MACF1: variants seen among roughly 807,000 people sequenced by gnomAD.
MACF1 encodes the protein microtubule actin crosslinking factor 1, also known as microtubule-actin cross-linking factor 1.
Under a neutral mutation model 854.8 loss-of-function variants are expected in MACF1, and 193 were observed. That is an observed-to-expected ratio of 0.23 (90% CI 0.20 to 0.25). MACF1 has a LOEUF of 0.25. MACF1 is among the 10% of genes least tolerant of loss of function. The probability of loss-of-function intolerance (pLI) is 1.00; values close to 1 mark genes in which losing one functional copy is unlikely to be tolerated. For synonymous variants in MACF1, 3,185 were observed against 3,226.7 expected, an observed-to-expected ratio of 0.99 and a Z score of 0.44; for missense variants, 7,722 against 8,929.1, an observed-to-expected ratio of 0.86 and a Z score of 5.45.
At chr1:39,250,133 A>G (rs1645023950) in intron 3 of MACF1, 30 bp downstream of exon 3, 10 of 1,463,300 alleles carry the variant, frequency 6.8e-6, no homozygotes, top group South Asian at 1.1e-5. Context: ...TGGCCTCACA[A>G]TTGTGGCCCT....
chr1:39,299,561 C>A (rs183248808), intron 21 of MACF1, among the ~76,000 whole-genome samples: 126 of 152,276 alleles, frequency 8.3e-4, no homozygotes, highest in Non-Finnish European at 1.7e-3. Context: ...CATGATACTT[C>A]TTTCTAACCA....
rs10652572 is a variant in MACF1, at chr1:39,393,846, G to GGAGAGAGA, written c.15816+5201_15816+5208dup. Among the ~76,000 whole-genome samples the GGAGAGAGA allele has an allele frequency of 2.7e-3, 381 of 140,816 alleles. 4 individuals carry two copies. Among genetic ancestry groups the GGAGAGAGA allele is most frequent in the African/African-American group, 1.0e-2 (371 of 37,184 alleles). The allele number at this position is 140,816 out of a possible 152,430, so 92.4% of individuals were successfully genotyped here. A position where few individuals can be genotyped will look rare whatever the true frequency, so the allele number is the denominator to read the frequency against. Reference sequence around the variant, plus strand: ...GAAAGACAGAGAGAGAGGGAGGGAGGGAGAGAGAGAGAGAGAGAGAAAGAA... The same window carrying GGAGAGAGA: ...GAAAGACAGAGAGAGAGGGAGGGAGGGAGAGAGAGAGAGAGAGAGAGAGAGAGAAAGAA... On this transcript the variant is annotated intron_variant, in intron 58 of 100. Coordinates refer to ENST00000564288, the MANE Select transcript of MACF1 (RefSeq NM_001394062.1).
At chr1:39,186,415 C>T (rs1479992248) in intron 2 of MACF1, among the ~76,000 whole-genome samples, 8 of 151,410 alleles carry the variant, frequency 5.3e-5, no homozygotes, top group African/African-American at 1.2e-4. Flanking sequence ...TACAGGCACG[C>T]GCCACCACGC....
intron 28 of MACF1, among the ~76,000 whole-genome samples, chr1:39,317,004 A>G (rs891303762): frequency 3.9e-5 from 6 of 152,234 alleles, no homozygotes; most frequent in Non-Finnish European, 5.9e-5. Flanking sequence ...ACATTTCTCT[A>G]TAGAGTACTG....
rs764665424 is a variant in MACF1 at position 39,337,342 on chromosome 1, A to G, written c.10215+11A>G. ...CTGTGTCAGGCCAAGGTAGGTTCCC[A>G]GAGACTTCCACCACAGACACCAGCT... On this transcript the variant is annotated intron_variant, in intron 38 of 100. Transcript: ENST00000564288. 4.3e-6 allele frequency: 7 copies of G among 1,612,334 alleles called. No individual in the cohort carries two copies.
intron 77 of MACF1, 69 bp downstream of exon 77, chr1:39,442,636 T>C: frequency 6.2e-7 from 1 of 1,609,554 alleles, no homozygotes. Context: ...CAGCAGCCTT[T>C]GAATGTTGTG....
At chr1:39,361,787 C>T in intron 49 of MACF1, 110 bp downstream of exon 49, 1 of 1,016,920 alleles carries the variant, frequency 9.8e-7, no homozygotes, top group East Asian at 2.4e-5. Flanking sequence ...AAACTACCTG[C>T]ATTATCTTTG....
chr1:39,211,646 G>T (rs1644517837), intron 1 of MACF1, among the ~76,000 whole-genome samples: 1 of 152,080 alleles, frequency 6.6e-6, no homozygotes, highest in African/African-American at 2.4e-5. Flanking sequence ...ATTTTGGGAG[G>T]CTGAGGTGGG....
At chr1:39,173,209 G>A (rs1039211462) in intron 2 of MACF1, among the ~76,000 whole-genome samples, 4 of 151,928 alleles carry the variant, frequency 2.6e-5, no homozygotes, top group Admixed American at 1.3e-4. Flanking sequence ...ATGTGGTGGC[G>A]CATGCCTGTA....
intron 2 of MACF1, among the ~76,000 whole-genome samples, chr1:39,185,702 A>G (rs1644159418): frequency 6.6e-6 from 1 of 152,218 alleles, no homozygotes; most frequent in Admixed American, 6.5e-5. Flanking sequence ...TGTAGGATGT[A>G]AACAGATCTT....
At chr1:39,087,208 G>A (rs199820265) in intron 2 of MACF1, among the ~76,000 whole-genome samples, 10 of 152,234 alleles carry the variant, frequency 6.6e-5, no homozygotes, top group East Asian at 1.9e-4. Flanking sequence ...TCAGTCTTAC[G>A]CTGGAAGCCA....
intron 2 of MACF1, among the ~76,000 whole-genome samples, chr1:39,171,431 C>T (rs1220839291): frequency 2.0e-5 from 3 of 152,176 alleles, no homozygotes; most frequent in African/African-American, 7.2e-5. Flanking sequence ...AGCAGTAATT[C>T]CCCTTCTCCC....
chr1:39,438,899 A>G (rs953931143), intron 71 of MACF1, among the ~76,000 whole-genome samples: 1 of 152,050 alleles, frequency 6.6e-6, no homozygotes. Context: ...CCTGGCCAAC[A>G]TGGTGAAACC....
intron 37 of MACF1, 97 bp downstream of exon 37, chr1:39,336,750 A>G: frequency 1.8e-6 from 2 of 1,109,688 alleles, no homozygotes; most frequent in East Asian, 2.6e-5. Flanking sequence ...GTGTAATTGT[A>G]TGCCTCTATA....
intron 97 of MACF1, among the ~76,000 whole-genome samples, chr1:39,470,521 G>C (rs1409223726): frequency 1.3e-5 from 2 of 152,110 alleles, no homozygotes; most frequent in African/African-American, 4.8e-5. Context: ...GTACACACCT[G>C]TGTAGTCCTA....
rs1557670420 is a variant in MACF1 at position 39,468,599 on chromosome 1, T to G, written c.21772-16T>G. On this transcript the variant is annotated splice_polypyrimidine_tract_variant and intron_variant, in intron 95 of 100. Coordinates refer to ENST00000564288, the MANE Select transcript of MACF1 (RefSeq NM_001394062.1). ...TTAAGACATATATATTAATTAAGTT[T>G]CCTTTGATTCTACAGTTTGGGGATT... 3 of 1,600,192 alleles carry G rather than the reference T, an allele frequency of 1.9e-6. No homozygotes were observed. In the South Asian group the frequency reaches 3.3e-5, roughly 18 times the overall value.
rs1489002936 is a variant in MACF1, at chr1:39,318,620, G to C, written c.3945+5G>C. On this transcript the variant is annotated splice_donor_5th_base_variant and intron_variant, in intron 30 of 100. Transcript: ENST00000564288. ...GAGCAGCTCAGCCAGCAGACGGTGA[G>C]TGTGGTAGTAGCTCTGGCGAGAAGA... 1.0e-5 allele frequency: 16 copies of C among 1,605,598 alleles called. No homozygotes were observed. Among genetic ancestry groups the C allele is most frequent in the Admixed American group, 3.4e-5 (2 of 58,632 alleles).
chr1:39,262,769 A>G (rs941119000), intron 6 of MACF1, among the ~76,000 whole-genome samples: 4 of 152,192 alleles, frequency 2.6e-5, no homozygotes, highest in African/African-American at 4.8e-5. Flanking sequence ...ATTTCAGCAC[A>G]GCCAAATGCC....
At position 39,409,334 on chromosome 1, in the gene MACF1, C is replaced by T. The variant is rs553425259; in HGVS notation, c.15817-13040C>T. On this transcript the variant is annotated intron_variant, in intron 58 of 100. Coordinates refer to ENST00000564288, the MANE Select transcript of MACF1 (RefSeq NM_001394062.1). The surrounding 1 kb of genome is among the most constrained non-coding windows in gnomAD (Gnocchi z 4.2). ...GCGGCGGGCGAGGCGGCGCCCACAG[C>T]ACTCGGGACTCAGCTGCCGGAGGGA... is the stretch of plus-strand genomic sequence containing the variant. 5.7e-3 allele frequency among the ~76,000 whole-genome samples: 870 copies of T among 152,218 alleles called. 8 individuals are homozygous for T. Among genetic ancestry groups the T allele is most frequent in the Non-Finnish European group, 7.9e-3 (540 of 67,984 alleles).
Sources: gnomAD v4.1 joint callset for allele counts (sites outside exome capture counted in the v4.1 genomes callset) on GRCh38, gnomAD v4.1.1 for gene constraint, Gnocchi (gnomAD v3.1) non-coding constraint, MANE v1.5 for transcripts, NCBI Gene and HGNC (gene_info 2026-07-23, HGNC 2026-07-21) for gene names.